Variants in ANKRD30A observed in about 807,000 individuals in gnomAD.
ANKRD30A encodes the protein ankyrin repeat domain-containing protein 30A.
In ANKRD30A, 170 loss-of-function variants were observed where a neutral mutation model predicts 166.3. The observed-to-expected ratio is 1.02, with a 90% confidence interval of 0.90 to 1.16. ANKRD30A has a LOEUF of 1.16. Among genes scored for constraint, ANKRD30A ranks in the 50% most tolerant of loss-of-function variants. ANKRD30A has a pLI of 0.00. For missense variants in ANKRD30A, 1,630 were observed against 1,518.0 expected, an observed-to-expected ratio of 1.07 and a Z score of -1.23; for synonymous variants, 564 against 508.9, an observed-to-expected ratio of 1.11 and a Z score of -1.46.
intron 34 of ANKRD30A, 131 bp downstream of exon 34, chr10:37,220,028 T>A (rs1272393858): frequency 1.1e-4 from 17 of 152,074 alleles, no homozygotes; most frequent in East Asian, 9.7e-4. Context: ...TATATATATA[T>A]AATATATGTA....
chr10:37,152,256 C>A, intron 12 of ANKRD30A, 135 bp downstream of exon 12: 1 of 721,724 alleles, frequency 1.4e-6, no homozygotes, highest in South Asian at 1.7e-5. Flanking sequence ...TCAGAATATG[C>A]TTAATGGAGA....
At chr10:37,154,868 C>G (rs920109460) in intron 13 of ANKRD30A, among the ~76,000 whole-genome samples, 8 of 152,048 alleles carry the variant, frequency 5.3e-5, no homozygotes, top group South Asian at 4.1e-4. Flanking sequence ...TTGGACTAAA[C>G]CTCAGTGACT....
intron 31 of ANKRD30A, among the ~76,000 whole-genome samples, chr10:37,203,391 A>G (rs1408322006): frequency 1.3e-5 from 2 of 152,224 alleles, no homozygotes; most frequent in African/African-American, 4.8e-5. Context: ...AAACCACATG[A>G]TTATCTCAAT....
At chr10:37,213,627 C>A (rs1218350737) in intron 31 of ANKRD30A, among the ~76,000 whole-genome samples, 1 of 147,202 alleles carries the variant, frequency 6.8e-6, no homozygotes, top group Non-Finnish European at 1.5e-5. Context: ...CTAATGTAGA[C>A]ATTCAGTGCT....
the ANKRD30A span, among the ~76,000 whole-genome samples, chr10:37,245,241 C>G: frequency 2.6e-5 from 4 of 151,778 alleles, no homozygotes; most frequent in Non-Finnish European, 5.9e-5. Flanking sequence ...CTTTTTGTTA[C>G]TTGCTTACAG....
chr10:37,263,148 T>C, the ANKRD30A span, among the ~76,000 whole-genome samples: 1 of 152,080 alleles, frequency 6.6e-6, no homozygotes, highest in Admixed American at 6.6e-5. Flanking sequence ...TCTTTATGTT[T>C]GTTTCTCATG....
In ANKRD30A at chr10:37,156,687, A is replaced by T. The variant is rs529068333; in HGVS notation, c.1799-1705A>T. Among the ~76,000 whole-genome samples, 13 of 152,254 alleles carry T rather than the reference A, an allele frequency of 8.5e-5. No homozygotes were observed. In the East Asian group the frequency reaches 2.5e-3, roughly 29 times the overall value. On this transcript the variant is annotated intron_variant, in intron 13 of 35. Transcript: ENST00000361713. ...TTCTTTGCACTTAGTGAGGATGTGT[A>T]TTTCTCACAGTTTTACCTAAAACAA...
At chr10:37,201,136 G>A in intron 30 of ANKRD30A, 99 bp from the exon 31 acceptor site, 1 of 965,130 alleles carries the variant, frequency 1.0e-6, no homozygotes, top group Non-Finnish European at 1.5e-6. Context: ...TTGCAAAATA[G>A]GACTTTTTTT....
chr10:37,172,326 G>T (rs1391313403), intron 21 of ANKRD30A, among the ~76,000 whole-genome samples: 2 of 122,328 alleles, frequency 1.6e-5, no homozygotes, highest in East Asian at 4.3e-4. Context: ...AGAGCAGTTG[G>T]ATAGAAGGTC....
the ANKRD30A span, among the ~76,000 whole-genome samples, chr10:37,252,172 A>G: frequency 6.6e-6 from 1 of 152,160 alleles, no homozygotes; most frequent in Non-Finnish European, 1.5e-5. Context: ...TTGAAATTTT[A>G]GAGGGAGGTG....
intron 7 of ANKRD30A, among the ~76,000 whole-genome samples, chr10:37,144,470 C>T (rs980823804): frequency 6.6e-6 from 1 of 152,178 alleles, no homozygotes; most frequent in Non-Finnish European, 1.5e-5. Context: ...AACACATACA[C>T]ACCAAATATA....
In ANKRD30A at chr10:37,201,308, T is replaced by A; in HGVS notation, c.2852T>A (p.Ile951Lys). ...KATHQKEMDKISGKLEDSTSL... is the reference protein window; with the variant it reads ...KATHQKEMDKKSGKLEDSTSL... ...ACACATCAAAAAGAAATGGATAAAA[T>A]AAGTGGAAAATTAGAAGGTAAGAAC... The change falls in exon 31 of 36, where the codon ATA (isoleucine) becomes AAA (lysine). Residue 951 changes from isoleucine (I) to lysine (K), a missense_variant. By Grantham distance (102) the Ile-to-Lys change is moderately radical. This residue lies in a region of ANKRD30A where 712 missense variants were observed against 629.3 expected (regional missense o/e 1.13). Transcript: ENST00000361713. 6.3e-7 allele frequency: 1 copy of A among 1,586,216 alleles called. No individual in the cohort carries two copies.
the ANKRD30A span, chr10:37,248,173 G>T: frequency 0.014 from 8,605 of 634,018 alleles, 170 homozygotes; most frequent in East Asian, 0.082. Context: ...TCTTGCACTC[G>T]GGAGAGCATG....
the ANKRD30A span, among the ~76,000 whole-genome samples, chr10:37,254,191 G>A: frequency 6.6e-6 from 1 of 152,122 alleles, no homozygotes; most frequent in African/African-American, 2.4e-5. Flanking sequence ...CCAAGCTTTT[G>A]TATGTTTCAT....
chr10:37,247,396 A>G, the ANKRD30A span, among the ~76,000 whole-genome samples: 1 of 152,136 alleles, frequency 6.6e-6, no homozygotes, highest in East Asian at 1.9e-4. Flanking sequence ...CAATGCATTT[A>G]TCTTATAGTG....
chr10:37,216,076 C>T, intron 31 of ANKRD30A, 105 bp from the exon 32 acceptor site: 1 of 698,310 alleles, frequency 1.4e-6, no homozygotes, highest in Non-Finnish European at 2.2e-6. Flanking sequence ...ACGTGGTAGG[C>T]AATCAATATA....
chr10:37,157,368 T>C (rs1838464162), intron 13 of ANKRD30A, among the ~76,000 whole-genome samples: 1 of 152,212 alleles, frequency 6.6e-6, no homozygotes, highest in African/African-American at 2.4e-5. Context: ...GCTTCTTGTT[T>C]GTAATACATC....
chr10:37,197,648 A>G (rs1463507157), intron 29 of ANKRD30A, among the ~76,000 whole-genome samples, 168 bp downstream of exon 29: 1 of 152,086 alleles, frequency 6.6e-6, no homozygotes, highest in East Asian at 1.9e-4. Flanking sequence ...CAAGCACAGT[A>G]ATTTTCAATA....
rs746905882 is a variant in ANKRD30A at position 37,125,989 on chromosome 10, AT to A, written c.203del (p.Ile68AsnfsTer21). ...GAGGAAGAAGACCATCAACCTTAAT[AT>A]ACAAGACGCCCAGAAGAGGTACCAG... ...TKRKKTINLN[I>X]QDAQKRTALH... On this transcript the variant is annotated frameshift_variant, in exon 1 of 36. Coordinates refer to ENST00000361713, the MANE Select transcript of ANKRD30A (RefSeq NM_052997.3). LOFTEE classifies it high-confidence loss of function. 5.6e-5 allele frequency: 91 copies of A among 1,611,782 alleles called. No homozygotes were observed. Among genetic ancestry groups the A allele is most frequent in the Non-Finnish European group, 7.3e-5 (86 of 1,179,898 alleles).
Sources: gnomAD v4.1 joint callset for allele counts (sites outside exome capture counted in the v4.1 genomes callset) on GRCh38, gnomAD v4.1.1 for gene constraint, gnomAD v4.1.1 regional missense constraint, MANE v1.5 for transcripts, NCBI Gene and HGNC (gene_info 2026-07-23, HGNC 2026-07-21) for gene names.